OXR1: variants seen among roughly 807,000 people sequenced by gnomAD.
OXR1 encodes the protein oxidation resistance 1.
A neutral mutation model predicts 104.6 loss-of-function variants in OXR1; 41 were observed. The ratio of observed to expected loss-of-function variants is 0.39; its 90% confidence interval spans 0.31 to 0.51. The LOEUF (loss-of-function observed/expected upper bound fraction) is 0.51, where lower values mean the gene tolerates loss of function less well. Among genes scored for constraint, OXR1 ranks in the 20% least tolerant of loss-of-function variants. OXR1 has a pLI of 0.77. For synonymous variants in OXR1, 348 were observed against 348.4 expected (o/e 1.00, Z 0.01); for missense variants, 955 against 1,031.9 (o/e 0.93, Z 1.02).
chr8:106,378,952 A>T (rs1817018108), intron 2 of OXR1, among the ~76,000 whole-genome samples: 1 of 152,172 alleles, frequency 6.6e-6, no homozygotes, highest in African/African-American at 2.4e-5. Flanking sequence ...TGCTTCTACT[A>T]TTGCAACTTT....
At chr8:106,371,587 C>G (rs1451990986) in intron 2 of OXR1, among the ~76,000 whole-genome samples, 1 of 152,146 alleles carries the variant, frequency 6.6e-6, no homozygotes, top group Non-Finnish European at 1.5e-5. Context: ...GATTCTGCTA[C>G]GTTGTCTCTT....
chr8:106,746,105 C>T (rs1835373721), intron 16 of OXR1, among the ~76,000 whole-genome samples: 1 of 152,012 alleles, frequency 6.6e-6, no homozygotes, highest in Admixed American at 6.6e-5. Flanking sequence ...TATTAAGACC[C>T]ATCTTTTTCT....
chr8:106,566,365 A>G (rs1817075245), intron 3 of OXR1, among the ~76,000 whole-genome samples: 1 of 152,234 alleles, frequency 6.6e-6, no homozygotes, highest in Non-Finnish European at 1.5e-5. Context: ...CTAACATGAA[A>G]AAAAAGCTCA....
intron 2 of OXR1, among the ~76,000 whole-genome samples, chr8:106,467,701 G>A (rs1821248110): frequency 6.6e-6 from 1 of 151,810 alleles, no homozygotes; most frequent in Admixed American, 6.6e-5. Flanking sequence ...AAAAGCCAAG[G>A]CCTTACTTAC....
intron 6 of OXR1, among the ~76,000 whole-genome samples, chr8:106,692,399 G>A (rs779627453): frequency 1.3e-4 from 20 of 152,214 alleles, no homozygotes; most frequent in Admixed American, 2.0e-4. Flanking sequence ...GTGCACGTGT[G>A]TGTATGTGTT....
At chr8:106,634,873 G>A (rs1416767110) in intron 3 of OXR1, among the ~76,000 whole-genome samples, 1 of 150,420 alleles carries the variant, frequency 6.6e-6, no homozygotes, top group Non-Finnish European at 1.5e-5. Flanking sequence ...GATCTTGCTA[G>A]TGTGGTCCAC....
chr8:106,576,570 A>G (rs1282114722), intron 3 of OXR1, among the ~76,000 whole-genome samples: 1 of 152,016 alleles, frequency 6.6e-6, no homozygotes, highest in African/African-American at 2.4e-5. Flanking sequence ...CAAAGTAAAA[A>G]TAAATGTACA....
intron 3 of OXR1, among the ~76,000 whole-genome samples, chr8:106,563,296 C>CAAAAAA (rs145929849): frequency 8.0e-6 from 1 of 125,772 alleles, no homozygotes; most frequent in Non-Finnish European, 1.7e-5. Flanking sequence ...AAATGGAAAG[C>CAAAAAA]AAAAAAAAAA....
intron 1 of OXR1, among the ~76,000 whole-genome samples, chr8:106,286,559 C>T (rs1379874552): frequency 6.6e-6 from 1 of 152,130 alleles, no homozygotes; most frequent in Non-Finnish European, 1.5e-5. Context: ...ACTTTTCTCT[C>T]CTGTTTCCAT....
chr8:106,322,067 C>T (rs527277230), intron 1 of OXR1, among the ~76,000 whole-genome samples: 100 of 152,308 alleles, frequency 6.6e-4, no homozygotes, highest in Non-Finnish European at 1.2e-3. Context: ...TCTGCCATCT[C>T]CATCCCCAAC....
intron 2 of OXR1, among the ~76,000 whole-genome samples, chr8:106,468,842 A>T (rs1451658038): frequency 2.6e-5 from 4 of 151,904 alleles, no homozygotes; most frequent in African/African-American, 9.6e-5. Context: ...TGAGAGACAA[A>T]AATATATTGA....
At chr8:106,742,780 C>G (rs1835029812) in intron 15 of OXR1, among the ~76,000 whole-genome samples, 1 of 152,076 alleles carries the variant, frequency 6.6e-6, no homozygotes, top group African/African-American at 2.4e-5. Flanking sequence ...TTCCGTAAAC[C>G]ATATACAAAC....
intron 3 of OXR1, among the ~76,000 whole-genome samples, chr8:106,553,294 A>G (rs1362096517): frequency 6.6e-6 from 1 of 150,866 alleles, no homozygotes; most frequent in Non-Finnish European, 1.5e-5. Context: ...TCAAAACTCA[A>G]AGTAAACTTT....
At chr8:106,482,081 C>T (rs868635946) in intron 2 of OXR1, among the ~76,000 whole-genome samples, 2 of 151,776 alleles carry the variant, frequency 1.3e-5, no homozygotes, top group African/African-American at 2.4e-5. Flanking sequence ...TGAGACAGAC[C>T]CCTTGCTGGT....
At chr8:106,283,791 G>A (rs889860153) in intron 1 of OXR1, among the ~76,000 whole-genome samples, 1 of 152,078 alleles carries the variant, frequency 6.6e-6, no homozygotes, top group Non-Finnish European at 1.5e-5. Context: ...ATCTGCTTCA[G>A]TTTAACTTCT....
chr8:106,558,271 C>A (rs763959773), intron 3 of OXR1, among the ~76,000 whole-genome samples: 2 of 152,308 alleles, frequency 1.3e-5, no homozygotes, highest in Non-Finnish European at 2.9e-5. Flanking sequence ...TGTACCAAAG[C>A]AGCCCAAAAG....
chr8:106,705,488 G>C (rs1831054899), intron 8 of OXR1, among the ~76,000 whole-genome samples: 2 of 152,078 alleles, frequency 1.3e-5, no homozygotes. Flanking sequence ...TTTTTGTGTT[G>C]ACTTACTTTA....
chr8:106,700,982 T>C (rs1830538965), intron 7 of OXR1, among the ~76,000 whole-genome samples: 1 of 152,098 alleles, frequency 6.6e-6, no homozygotes, highest in South Asian at 2.1e-4. Context: ...TGTTTTTTTT[T>C]AATATCAAAT....
intron 6 of OXR1, among the ~76,000 whole-genome samples, chr8:106,692,228 T>C (rs899855500): frequency 5.3e-5 from 8 of 152,066 alleles, no homozygotes; most frequent in African/African-American, 9.7e-5. Flanking sequence ...TTATCAACTG[T>C]AGCTCGAGAT....
Sources: gnomAD v4.1 joint callset for allele counts (sites outside exome capture counted in the v4.1 genomes callset) on GRCh38, gnomAD v4.1.1 for gene constraint, MANE v1.5 for transcripts, NCBI Gene and HGNC (gene_info 2026-07-23, HGNC 2026-07-21) for gene names.